The following TMEM232 variants were observed in gnomAD, a reference collection of about 807,000 sequenced individuals.
TMEM232 encodes the protein transmembrane protein 232.
In TMEM232, 80 loss-of-function variants were observed where a neutral mutation model predicts 78.8. The observed-to-expected ratio is 1.01, with a 90% confidence interval of 0.85 to 1.22. The LOEUF is 1.22. Among genes scored for constraint, TMEM232 ranks in the 50% most tolerant of loss-of-function variants. TMEM232 has a pLI of 0.00. For synonymous variants in TMEM232, 297 were observed against 254.3 expected (o/e 1.17, Z -1.60); for missense variants, 881 against 742.2 (o/e 1.19, Z -2.17).
chr5:110,686,762 C>A (rs890798490), intron 1 of TMEM232, among the ~76,000 whole-genome samples: 1 of 152,176 alleles, frequency 6.6e-6, no homozygotes, highest in Admixed American at 6.5e-5. Context: ...AGTATAGAAG[C>A]ATATTTCTCT....
chr5:110,575,653 A>G (rs150957326), intron 10 of TMEM232, among the ~76,000 whole-genome samples: 5,324 of 152,112 alleles, frequency 0.035, 133 homozygotes, highest in African/African-American at 0.065. Flanking sequence ...AACTCAACCC[A>G]TGGAGAATGG....
At position 110,608,813 on chromosome 5, in the gene TMEM232, G is replaced by A. The variant is rs1781821219; in HGVS notation, c.903-2526C>T. On this transcript the variant is annotated intron_variant, in intron 8 of 13. Coordinates refer to ENST00000455884, the MANE Select transcript of TMEM232 (RefSeq NM_001039763.4). ...ATAGAAAGGAATTCAAATTGGATTA[G>A]GCTAGAAATTTTCATACAGCACTAG... 3.9e-5 allele frequency among the ~76,000 whole-genome samples: 6 copies of A among 151,996 alleles called. No homozygotes were observed. The South Asian group carries it at 1.2e-3, about 32-fold the overall frequency.
chr5:110,516,681 C>G (rs1768709372), intron 12 of TMEM232, among the ~76,000 whole-genome samples: 4 of 151,694 alleles, frequency 2.6e-5, no homozygotes, highest in Admixed American at 2.6e-4. Flanking sequence ...AAAAAACATT[C>G]AACATACAAA....
intron 12 of TMEM232, among the ~76,000 whole-genome samples, chr5:110,455,508 G>C (rs188950716): frequency 0.011 from 1,677 of 151,972 alleles, 33 homozygotes; most frequent in African/African-American, 0.038. Flanking sequence ...CTCCCGAGTA[G>C]CTGGGACTAC....
At chr5:110,495,531 C>T (rs1393169603) in intron 12 of TMEM232, among the ~76,000 whole-genome samples, 7 of 151,722 alleles carry the variant, frequency 4.6e-5, no homozygotes, top group African/African-American at 1.2e-4. Flanking sequence ...ATTATATTTA[C>T]CCCAAATGTC....
chr5:110,650,265 A>G (rs1431072186), intron 2 of TMEM232, among the ~76,000 whole-genome samples: 1 of 152,072 alleles, frequency 6.6e-6, no homozygotes, highest in East Asian at 1.9e-4. Flanking sequence ...CCAATAGTAT[A>G]CAAACAGAAA....
chr5:110,515,636 GC>G (rs1768503607), intron 12 of TMEM232, among the ~76,000 whole-genome samples: 1 of 152,086 alleles, frequency 6.6e-6, no homozygotes, highest in South Asian at 2.1e-4. Context: ...ACTTCTTTCT[GC>G]TAACGGTTGA....
intron 2 of TMEM232, among the ~76,000 whole-genome samples, chr5:110,408,087 C>T (rs1252951709): frequency 6.6e-6 from 1 of 151,592 alleles, no homozygotes; most frequent in Non-Finnish European, 1.5e-5. Flanking sequence ...CTATGGGATA[C>T]AACAAAAGAT....
intron 12 of TMEM232, among the ~76,000 whole-genome samples, chr5:110,479,817 T>A (rs879396292): frequency 2.6e-5 from 4 of 151,868 alleles, no homozygotes; most frequent in African/African-American, 9.7e-5. Flanking sequence ...ATGTAGTCAA[T>A]TGATGTATCC....
chr5:110,570,653 A>G (rs993124810), intron 10 of TMEM232, among the ~76,000 whole-genome samples: 1 of 151,914 alleles, frequency 6.6e-6, no homozygotes, highest in African/African-American at 2.4e-5. Flanking sequence ...ATCTGAAAAA[A>G]GGTTAGCTCT....
At position 110,420,767 on chromosome 5, in the gene TMEM232, G is replaced by A; in HGVS notation, c.1798-11C>T. On this transcript the variant is annotated splice_polypyrimidine_tract_variant and intron_variant, in intron 13 of 13. Coordinates refer to ENST00000455884, the MANE Select transcript of TMEM232 (RefSeq NM_001039763.4). ...TAGCTCTTCCTGCCACTGTTACAGA[G>A]AGAAAACGTCATTCACATGATTTTC... 2.7e-6 allele frequency: 4 copies of A among 1,496,474 alleles called. No individual in the cohort carries two copies. The Middle Eastern group carries it at 5.1e-4, about 190-fold the overall frequency. The allele number at this position is 1,496,474 out of a possible 1,614,324, so 92.7% of individuals were successfully genotyped here.
At chr5:110,427,823 C>G (rs905121004) in intron 12 of TMEM232, among the ~76,000 whole-genome samples, 57 of 151,854 alleles carry the variant, frequency 3.8e-4, no homozygotes, top group Non-Finnish European at 2.4e-4. Context: ...TGTTCTTTTT[C>G]ATACAATGAC....
At chr5:110,613,335 A>T (rs1782543387) in intron 8 of TMEM232, among the ~76,000 whole-genome samples, 1 of 152,194 alleles carries the variant, frequency 6.6e-6, no homozygotes, top group South Asian at 2.1e-4. Flanking sequence ...CAATAGCATC[A>T]GAAATGGGCA....
At chr5:110,689,274 C>T (rs960658566) in intron 1 of TMEM232, among the ~76,000 whole-genome samples, 12 of 152,114 alleles carry the variant, frequency 7.9e-5, no homozygotes, top group African/African-American at 2.7e-4. Context: ...AAAACAGAGT[C>T]TTGGAGTAGC....
At chr5:110,697,541 T>C (rs1182131797) in intron 1 of TMEM232, among the ~76,000 whole-genome samples, 1 of 151,940 alleles carries the variant, frequency 6.6e-6, no homozygotes, top group Admixed American at 6.6e-5. Flanking sequence ...ATTTTTACAA[T>C]CTACTCATCT....
chr5:110,407,624 A>G (rs1363523887), intron 2 of TMEM232, among the ~76,000 whole-genome samples: 1 of 152,202 alleles, frequency 6.6e-6, no homozygotes, highest in African/African-American at 2.4e-5. Flanking sequence ...CAGATCATCC[A>G]GACAGATAAC....
At chr5:110,651,395 C>G (rs911188894) in intron 2 of TMEM232, among the ~76,000 whole-genome samples, 1 of 135,140 alleles carries the variant, frequency 7.4e-6, no homozygotes, top group African/African-American at 2.8e-5. Context: ...ACAAAGAAAA[C>G]AAAAGACTTA....
At chr5:110,568,375 C>T (rs1383875710) in intron 11 of TMEM232, 72 bp downstream of exon 11, 1 of 1,341,744 alleles carries the variant, frequency 7.5e-7, no homozygotes. Flanking sequence ...ATTCCTTTTA[C>T]CATGGAGAGA....
intron 11 of TMEM232, among the ~76,000 whole-genome samples, chr5:110,529,354 T>C (rs1771090569): frequency 6.6e-6 from 1 of 152,078 alleles, no homozygotes; most frequent in African/African-American, 2.4e-5. Context: ...CAACCGATTC[T>C]CCTGCCTCAG....
Sources: gnomAD v4.1 joint callset for allele counts (sites outside exome capture counted in the v4.1 genomes callset) on GRCh38, gnomAD v4.1.1 for gene constraint, MANE v1.5 for transcripts, NCBI Gene and HGNC (gene_info 2026-07-23, HGNC 2026-07-21) for gene names.